The following HELQ variants were observed in gnomAD, a reference collection of about 807,000 sequenced individuals.
HELQ encodes the protein helicase, POLQ like.
In HELQ, 77 loss-of-function variants were observed where a neutral mutation model predicts 111.6. The ratio of observed to expected loss-of-function variants is 0.69; its 90% CI spans 0.57 to 0.83. HELQ has a LOEUF of 0.83. Ranked by LOEUF, HELQ falls within the 40% of genes least tolerant of loss-of-function variation. The probability of loss-of-function intolerance (pLI) is 0.00; values close to 1 mark genes in which losing one functional copy is unlikely to be tolerated. For synonymous variants in HELQ, 438 were observed against 454.7 expected (o/e 0.96, Z 0.47); for missense variants, 1,200 against 1,288.5 (o/e 0.93, Z 1.05).
intron 7 of HELQ, among the ~76,000 whole-genome samples, chr4:83,440,298 A>T (rs1490515432): frequency 1.3e-5 from 2 of 152,232 alleles, no homozygotes; most frequent in Non-Finnish European, 2.9e-5. Flanking sequence ...AGTTAATGTT[A>T]TTAATAGCCT....
intron 8 of HELQ, among the ~76,000 whole-genome samples, chr4:83,438,586 C>CA (rs1051541319): frequency 5.3e-5 from 8 of 151,542 alleles, no homozygotes; most frequent in Admixed American, 5.3e-4. Context: ...ATGAAAATTA[C>CA]AAAAAATTAG....
chr4:83,444,568 G>A (rs891141148), intron 5 of HELQ, among the ~76,000 whole-genome samples: 1 of 152,110 alleles, frequency 6.6e-6, no homozygotes, highest in Admixed American at 6.5e-5. Context: ...TGAAGCTTAT[G>A]AAGCCATATG....
chr4:83,420,780 C>CA (rs918476613), intron 15 of HELQ, among the ~76,000 whole-genome samples: 9 of 151,614 alleles, frequency 5.9e-5, no homozygotes, highest in South Asian at 2.1e-4. Flanking sequence ...CTCAAAAAAA[C>CA]AAAAAAAATT....
At chr4:83,449,956 T>TA (rs1042640787) in intron 2 of HELQ, among the ~76,000 whole-genome samples, 3 of 150,502 alleles carry the variant, frequency 2.0e-5, no homozygotes, top group African/African-American at 7.3e-5. Flanking sequence ...TGTGAGAACA[T>TA]AAACTGCTAG....
Position 83,453,510 on chromosome 4 carries a change from G to C in HELQ, c.733C>G (p.Gln245Glu), listed in dbSNP as rs770278187. ...ACTTTGGAAGAGGACTCATCATTTT[G>C]CTGGGGTTGCTCTATGCAATTATGG... is the stretch of plus-strand genomic sequence containing the variant. ...LPHNCIEQPQQNDESSSKVRT... is the reference protein window; with the variant it reads ...LPHNCIEQPQENDESSSKVRT... Residue 245 changes from glutamine to glutamate, a missense_variant, in exon 2 of 18, where the codon CAA becomes GAA. Coordinates refer to ENST00000295488, the MANE Select transcript of HELQ (RefSeq NM_133636.5). The C allele has an allele frequency of 2.5e-5, 40 of 1,613,666 alleles. No homozygotes were observed. In the Middle Eastern group the frequency reaches 9.9e-4, roughly 40 times the overall value.
intron 7 of HELQ, among the ~76,000 whole-genome samples, chr4:83,441,069 T>C (rs1482578177): frequency 6.6e-6 from 1 of 152,252 alleles, no homozygotes; most frequent in Non-Finnish European, 1.5e-5. Flanking sequence ...TTACAGCAAC[T>C]GTAAAAACCC....
chr4:83,432,934 C>A (rs1327948069), intron 9 of HELQ, among the ~76,000 whole-genome samples: 1 of 151,984 alleles, frequency 6.6e-6, no homozygotes, highest in East Asian at 1.9e-4. Flanking sequence ...GTAGTGTGCC[C>A]CTGTAGTCCC....
At chr4:83,415,584 G>C (rs1218513216) in intron 17 of HELQ, among the ~76,000 whole-genome samples, 1 of 152,084 alleles carries the variant, frequency 6.6e-6, no homozygotes, top group East Asian at 1.9e-4. Context: ...TTGGGAGACA[G>C]AGCTCAGTGA....
intron 12 of HELQ, 146 bp downstream of exon 12, chr4:83,429,378 A>G: frequency 3.3e-6 from 2 of 611,146 alleles, no homozygotes; most frequent in East Asian, 2.9e-5. Context: ...CAAACTCCCA[A>G]CCTCAAGTGA....
chr4:83,417,953 A>T, intron 16 of HELQ, 140 bp downstream of exon 16: 1 of 498,968 alleles, frequency 2.0e-6, no homozygotes, highest in Non-Finnish European at 3.6e-6. Flanking sequence ...TATTTGTTTT[A>T]AATAAAAGAT....
chr4:83,426,335 A>G (rs1719847630), intron 13 of HELQ, among the ~76,000 whole-genome samples: 1 of 152,128 alleles, frequency 6.6e-6, no homozygotes, highest in Non-Finnish European at 1.5e-5. Flanking sequence ...GACTATATTT[A>G]ATACCAGATG....
At position 83,446,892 on chromosome 4, in the gene HELQ, C is replaced by G. The variant is rs935068910; in HGVS notation, c.1335G>C (p.Val445=). ...IATIEKGHSL[V]NSLIETGRID... is the part of the protein sequence containing the mutation. Reference sequence around the variant, plus strand: ...TTCTTCCAGTTTCAATCAAGGAGTTCACCAAGCTATGTCCTTTTTCAATAG... The same window carrying G: ...TTCTTCCAGTTTCAATCAAGGAGTTGACCAAGCTATGTCCTTTTTCAATAG... The change falls in exon 4 of 18, where the codon GTG becomes GTC. Residue 445 remains valine (V), a synonymous_variant. Transcript: ENST00000295488. 4 of 1,613,652 alleles carry G rather than the reference C, an allele frequency of 2.5e-6. No homozygotes were observed. In the African/African-American group the frequency reaches 5.3e-5, roughly 22 times the overall value.
At chr4:83,416,585 T>C in intron 17 of HELQ, 146 bp downstream of exon 17, 1 of 813,316 alleles carries the variant, frequency 1.2e-6, no homozygotes, top group Non-Finnish European at 1.8e-6. Flanking sequence ...GATGCATTAT[T>C]TTTACTCACA....
chr4:83,412,322 T>C (rs1739145369), intron 17 of HELQ, among the ~76,000 whole-genome samples: 1 of 152,222 alleles, frequency 6.6e-6, no homozygotes, highest in African/African-American at 2.4e-5. Flanking sequence ...TCGGACTTGA[T>C]TTAGAATACT....
rs960116662 is a variant in HELQ, at chr4:83,412,021, T to C, written c.3199-4461A>G. 5.0e-4 allele frequency among the ~76,000 whole-genome samples: 76 copies of C among 152,098 alleles called. 1 individual carries two copies. Among genetic ancestry groups the C allele is most frequent in the African/African-American group, 1.7e-3 (72 of 41,428 alleles). The stretch of plus-strand genomic sequence containing the variant: ...AAGCTACCTAGCAGCAAACATGGGT[T>C]TATTGCTTATGGAAAAGGGAGAATG... On this transcript the variant is annotated intron_variant, in intron 17 of 17. Coordinates refer to ENST00000295488, the MANE Select transcript of HELQ (RefSeq NM_133636.5).
intron 9 of HELQ, among the ~76,000 whole-genome samples, chr4:83,435,823 T>C (rs2109993581): frequency 6.6e-6 from 1 of 152,234 alleles, no homozygotes; most frequent in East Asian, 1.9e-4. Context: ...AAAAAATGTT[T>C]GGTTACAACT....
chr4:83,430,088 T>C (rs1024127170), intron 11 of HELQ, among the ~76,000 whole-genome samples: 11 of 151,786 alleles, frequency 7.2e-5, no homozygotes, highest in African/African-American at 2.4e-4. Flanking sequence ...CTCAGCCTCC[T>C]TTAGGGATCT....
chr4:83,415,947 A>AT (rs1239903829), intron 17 of HELQ, among the ~76,000 whole-genome samples: 2,815 of 93,522 alleles, frequency 0.03, 90 homozygotes, highest in African/African-American at 0.08. Context: ...GAACCCAGCC[A>AT]TTTTTTTTTT....
In HELQ at chr4:83,427,727, GA is replaced by G; in HGVS notation, c.2519-8del. ...TAAGCTAAATCTATAGTTCCTAAAA[GA>G]AAGATACAAATATTCAATCTTTCAC... On this transcript the variant is annotated splice_region_variant and splice_polypyrimidine_tract_variant and intron_variant, in intron 12 of 17. Transcript: ENST00000295488. 1 of 1,507,110 alleles carries G rather than the reference GA, an allele frequency of 6.6e-7. No homozygotes were observed. Among genetic ancestry groups the G allele is most frequent in the Non-Finnish European group, 8.9e-7 (1 of 1,124,436 alleles). 93.4% of individuals were successfully genotyped at this position (1,507,110 alleles called of 1,614,324 possible).
Sources: allele counts gnomAD v4.1 joint callset (sites outside exome capture counted in the v4.1 genomes callset), GRCh38; gene constraint gnomAD v4.1.1; transcripts MANE v1.5; gene names NCBI Gene and HGNC (gene_info 2026-07-23, HGNC 2026-07-21).